Variants in MBP observed in about 807,000 individuals in gnomAD.
MBP encodes myelin basic protein.
In MBP, 16 loss-of-function variants were observed where a neutral mutation model predicts 35.8. The ratio of observed to expected loss-of-function variants is 0.45; its 90% CI spans 0.30 to 0.68. MBP has a LOEUF of 0.68. Ranked by LOEUF, MBP falls within the 30% of genes least tolerant of loss-of-function variation. The probability of loss-of-function intolerance (pLI) is 0.08; values close to 1 mark genes in which losing one functional copy is unlikely to be tolerated. For synonymous variants in MBP, 143 were observed against 159.6 expected, an observed-to-expected ratio of 0.90 and a Z score of 0.78; for missense variants, 380 against 404.7, an observed-to-expected ratio of 0.94 and a Z score of 0.52.
At chr18:77,063,163 C>T (rs1244655034) in intron 3 of MBP, among the ~76,000 whole-genome samples, 1 of 152,152 alleles carries the variant, frequency 6.6e-6, no homozygotes, top group Non-Finnish European at 1.5e-5. Flanking sequence ...TGCATATATG[C>T]CTCCAAGGTT....
chr18:77,085,790 T>G (rs112180326), intron 2 of MBP, among the ~76,000 whole-genome samples: 9 of 149,188 alleles, frequency 6.0e-5, no homozygotes, highest in Non-Finnish European at 1.2e-4. Context: ...TTTCAAGCAA[T>G]TCTCCTGCCT....
In MBP at chr18:77,017,076, G is replaced by C. The variant is rs778137473; in HGVS notation, c.332C>G (p.Pro111Arg). 1.9e-6 allele frequency: 3 copies of C among 1,611,252 alleles called. No homozygotes were observed. In the Admixed American group the frequency reaches 5.0e-5, roughly 27 times the overall value. Reference sequence around the variant, plus strand: ...GGTCTGGAGCTCGTCGGACTCAGAGGGCCTGTCTTTGAAGGTGTTGTCCTC... The same window carrying C: ...GGTCTGGAGCTCGTCGGACTCAGAGCGCCTGTCTTTGAAGGTGTTGTCCTC... ...GREDNTFKDR[P>R]SESDELQTIQ... The change falls in exon 4 of 9, where the codon CCC becomes CGC. Residue 111 changes from proline (P) to arginine (R), a missense_variant. Physicochemically the swap from Pro to Arg is moderately radical, Grantham distance 103. Coordinates refer to ENST00000355994, the MANE Select transcript of MBP (RefSeq NM_001025101.2).
chr18:77,124,161 T>A (rs1000199283), intron 1 of MBP, among the ~76,000 whole-genome samples: 4 of 152,164 alleles, frequency 2.6e-5, no homozygotes, highest in Non-Finnish European at 4.4e-5. Flanking sequence ...AACCTCCCTT[T>A]CTCCAGCCTC....
chr18:77,031,416 C>T (rs1481141978), intron 3 of MBP, among the ~76,000 whole-genome samples: 2 of 152,194 alleles, frequency 1.3e-5, no homozygotes, highest in Non-Finnish European at 2.9e-5. Context: ...CTGCAGACAC[C>T]TCCAATTCCC....
chr18:76,989,094 C>G lies in MBP; in HGVS notation c.682-182G>C. ...GTATAGACCTGAGATTGAAAATATT[C>G]TAGATGATGCAGATCTCCCAGAGCA... On this transcript the variant is annotated intron_variant, in intron 5 of 8. Coordinates refer to ENST00000355994, the MANE Select transcript of MBP (RefSeq NM_001025101.2). The surrounding 1 kb of genome is among the most constrained non-coding windows in gnomAD (Gnocchi z 4.0). 1.4e-6 allele frequency: 1 copy of G among 717,454 alleles called. No homozygotes were observed. Among genetic ancestry groups the G allele is most frequent in the Non-Finnish European group, 2.6e-6 (1 of 392,018 alleles). 44.4% of individuals were successfully genotyped at this position (717,454 alleles called of 1,614,324 possible).
intron 3 of MBP, among the ~76,000 whole-genome samples, chr18:77,042,303 C>T (rs1973044449): frequency 1.4e-5 from 2 of 145,468 alleles, no homozygotes; most frequent in African/African-American, 5.7e-5. Flanking sequence ...GGACCTGACT[C>T]TCAGTCTCCC....
intron 3 of MBP, among the ~76,000 whole-genome samples, chr18:77,029,398 G>A (rs960037762): frequency 3.6e-5 from 5 of 139,986 alleles, no homozygotes; most frequent in East Asian, 4.5e-4. Context: ...GAGGGAGACC[G>A]TGGAAAGAGA....
At chr18:77,015,630 A>G in intron 4 of MBP, 2 of 985,330 alleles carry the variant, frequency 2.0e-6, no homozygotes. Flanking sequence ...ACTCAGACAG[A>G]TGGTAGAGAT....
At chr18:76,993,426 C>T (rs923343498) in intron 4 of MBP, among the ~76,000 whole-genome samples, 1 of 151,768 alleles carries the variant, frequency 6.6e-6, no homozygotes, top group Non-Finnish European at 1.5e-5. Context: ...GCGTCGTGTG[C>T]CTATAGTCCC....
chr18:77,128,936 C>G (rs1260424209), intron 1 of MBP, among the ~76,000 whole-genome samples: 2 of 152,194 alleles, frequency 1.3e-5, no homozygotes, highest in African/African-American at 2.4e-5. Context: ...TACACCTTCT[C>G]TAATATTTGG....
Position 76,988,002 on chromosome 18 carries a change from T to C in MBP, c.750+493A>G. 7.6e-7 allele frequency: 1 copy of C among 1,308,188 alleles called. No homozygotes were observed. The highest frequency in any genetic ancestry group is 9.8e-7 in the Non-Finnish European group (1 of 1,021,780). 81.0% of individuals were successfully genotyped at this position (1,308,188 alleles called of 1,614,324 possible). A position where few individuals can be genotyped will look rare whatever the true frequency, so the allele number is the denominator to read the frequency against. On this transcript the variant is annotated intron_variant, in intron 7 of 8. Coordinates refer to ENST00000355994, the MANE Select transcript of MBP (RefSeq NM_001025101.2). This position sits in a 1 kb window ranked among gnomAD's most constrained non-coding sequence, Gnocchi z 5.2. Reference sequence around the variant, plus strand: ...ACATACAAAACAAAAATCTTTGGATTAATGAGGTTATTATAAATCGAGCAA... The same window carrying C: ...ACATACAAAACAAAAATCTTTGGATCAATGAGGTTATTATAAATCGAGCAA...
At chr18:77,012,729 G>C (rs1971423575) in intron 4 of MBP, 2 of 946,972 alleles carry the variant, frequency 2.1e-6, no homozygotes, top group Non-Finnish European at 1.3e-6. Context: ...ACACTGACGT[G>C]GTGGGGGCAA....
intron 2 of MBP, among the ~76,000 whole-genome samples, chr18:77,083,182 G>A (rs958584732): frequency 6.6e-6 from 1 of 152,206 alleles, no homozygotes. Flanking sequence ...GGCCAGGCTG[G>A]TCTTGAACTC....
chr18:77,127,901 C>T (rs912220943), intron 1 of MBP: 4 of 152,032 alleles, frequency 2.6e-5, no homozygotes, highest in African/African-American at 9.7e-5. Flanking sequence ...GCTGCCCAGG[C>T]TGGGAAGGTC....
rs1183380541 is a variant in MBP, at chr18:77,088,633, T to C, written c.51+16578A>G. 3.4e-5 allele frequency among the ~76,000 whole-genome samples: 5 copies of C among 146,148 alleles called. No homozygotes were observed. The East Asian group carries it at 1.0e-3, about 30-fold the overall frequency. On this transcript the variant is annotated intron_variant, in intron 2 of 8. Coordinates refer to ENST00000355994, the MANE Select transcript of MBP (RefSeq NM_001025101.2). The stretch of plus-strand genomic sequence containing the variant: ...GGGTAAAGTTGCCATTATTAAACAG[T>C]TTTTTTGTGCTTCTTTATTTCTCTA...
chr18:77,115,299 C>T (rs1184187153), intron 1 of MBP: 1 of 152,260 alleles, frequency 6.6e-6, no homozygotes, highest in African/African-American at 2.4e-5. Flanking sequence ...GAGGAACTCA[C>T]ACATTCCTTG....
chr18:76,979,647 T>G lies in MBP; in HGVS notation c.*780A>C. On this transcript the variant is annotated 3_prime_UTR_variant, in exon 9 of 9. Coordinates refer to ENST00000355994, the MANE Select transcript of MBP (RefSeq NM_001025101.2). Reference sequence around the variant, plus strand: ...GCCACCATGCAGGGCAACGGTGACGTCCAGAGGCCACCTGCTTGACATCTC... The same window carrying G: ...GCCACCATGCAGGGCAACGGTGACGGCCAGAGGCCACCTGCTTGACATCTC... 2.4e-6 allele frequency: 1 copy of G among 420,584 alleles called. No homozygotes were observed. Among genetic ancestry groups the G allele is most frequent in the East Asian group, 4.8e-5 (1 of 20,810 alleles). The allele number at this position is 420,584 out of a possible 1,614,324, so 26.1% of individuals were successfully genotyped here.
chr18:77,014,318 A>C, intron 4 of MBP: 3 of 985,392 alleles, frequency 3.0e-6, no homozygotes, highest in Non-Finnish European at 3.6e-6. Flanking sequence ...AGAGCACAGG[A>C]GGGTGGGAGG....
chr18:77,016,276 AT>A (rs1161286189), intron 4 of MBP: 6 of 985,990 alleles, frequency 6.1e-6, no homozygotes, highest in Non-Finnish European at 7.2e-6. Context: ...ACACTCATTT[AT>A]CCCTCCCCCC....
Sources: allele counts gnomAD v4.1 joint callset (sites outside exome capture counted in the v4.1 genomes callset), GRCh38; gene constraint gnomAD v4.1.1; non-coding constraint Gnocchi (gnomAD v3.1); transcripts MANE v1.5; gene names NCBI Gene and HGNC (gene_info 2026-07-23, HGNC 2026-07-21).